The following RBFOX1 variants were observed in gnomAD, a reference collection of about 807,000 sequenced individuals.
RBFOX1 encodes the protein RNA binding fox-1 homolog 1, also known as RNA binding protein fox-1 homolog 1.
A neutral mutation model predicts 57.7 loss-of-function variants in RBFOX1; 8 were observed. That is an observed-to-expected ratio of 0.14 (90% CI 0.08 to 0.25). The LOEUF is 0.25. RBFOX1 is among the 10% of genes least tolerant of loss of function. The pLI is 1.00. For synonymous variants in RBFOX1, 326 were observed against 222.4 expected (o/e 1.47, Z -4.15); for missense variants, 611 against 548.5 (o/e 1.11, Z -1.14).
rs1012102643 is a variant in RBFOX1, at chr16:6,228,013, A to C, written c.-126-88982A>C. On this transcript the variant is annotated intron_variant, in intron 1 of 15. Transcript: ENST00000550418. Reference sequence around the variant, plus strand: ...CCTGTGTTTATTGCAGCACTATTCAAACTAGCCAGGGATATGGCCAGGCAC... The same window carrying C: ...CCTGTGTTTATTGCAGCACTATTCACACTAGCCAGGGATATGGCCAGGCAC... Among the ~76,000 whole-genome samples, 5 of 152,298 alleles carry C rather than the reference A, an allele frequency of 3.3e-5. No individual in the cohort carries two copies. In the East Asian group the frequency reaches 5.8e-4, roughly 18 times the overall value.
chr16:6,535,808 T>C (rs2096727254), intron 2 of RBFOX1, among the ~76,000 whole-genome samples: 1 of 152,234 alleles, frequency 6.6e-6, no homozygotes, highest in African/African-American at 2.4e-5. Context: ...TATTTTTATA[T>C]GTTACACAAG....
intron 4 of RBFOX1, among the ~76,000 whole-genome samples, chr16:7,165,385 C>G (rs997089238): frequency 1.1e-4 from 4 of 36,166 alleles, no homozygotes; most frequent in Non-Finnish European, 2.3e-4. Context: ...CATAACTCTT[C>G]TGTAATAATA....
intron 1 of RBFOX1, among the ~76,000 whole-genome samples, chr16:6,255,430 G>A (rs2097654598): frequency 6.6e-6 from 1 of 152,152 alleles, no homozygotes; most frequent in South Asian, 2.1e-4. Context: ...GAGAGTGGAG[G>A]AAATGCAAGT....
At chr16:6,803,407 G>A (rs761376797) in intron 3 of RBFOX1, among the ~76,000 whole-genome samples, 4 of 152,150 alleles carry the variant, frequency 2.6e-5, no homozygotes, top group Non-Finnish European at 5.9e-5. Context: ...CTTTCCCAGT[G>A]AAGGGAGAAA....
At chr16:7,232,562 C>G (rs2093560891) in intron 4 of RBFOX1, among the ~76,000 whole-genome samples, 1 of 152,026 alleles carries the variant, frequency 6.6e-6, no homozygotes, top group Non-Finnish European at 1.5e-5. Flanking sequence ...GATAACAGGC[C>G]AGGCATAAGC....
In RBFOX1 at chr16:6,450,765, G is replaced by T. The variant is rs58075419; in HGVS notation, c.-64+133708G>T. On this transcript the variant is annotated intron_variant, in intron 2 of 15. Coordinates refer to ENST00000550418, the MANE Select transcript of RBFOX1 (RefSeq NM_018723.4). ...TTTATATATATATACATATATATAT[G>T]TGTATATATATATATATATATATAC... 7.2e-4 allele frequency among the ~76,000 whole-genome samples: 14 copies of T among 19,452 alleles called. 1 individual carries two copies. Among genetic ancestry groups the T allele is most frequent in the African/African-American group, 2.9e-3 (14 of 4,898 alleles). 12.8% of individuals were successfully genotyped at this position (19,452 alleles called of 152,430 possible).
At chr16:6,874,314 C>G (rs536760439) in intron 3 of RBFOX1, among the ~76,000 whole-genome samples, 3 of 151,826 alleles carry the variant, frequency 2.0e-5, no homozygotes, top group Non-Finnish European at 2.9e-5. Context: ...GTTTTGAGAC[C>G]AGCCTGGCCA....
chr16:6,814,950 G>A (rs1473677623), intron 3 of RBFOX1, among the ~76,000 whole-genome samples: 1 of 152,172 alleles, frequency 6.6e-6, no homozygotes, highest in African/African-American at 2.4e-5. Flanking sequence ...AGGAATAAAA[G>A]AATGGCTGTT....
chr16:5,290,679 G>A (rs1338521722), intron 1 of RBFOX1, among the ~76,000 whole-genome samples: 1 of 150,296 alleles, frequency 6.7e-6, no homozygotes, highest in East Asian at 2.0e-4. Flanking sequence ...GAGGTTGATA[G>A]GCATAGAGCA....
At chr16:6,936,415 A>T (rs984680775) in intron 3 of RBFOX1, among the ~76,000 whole-genome samples, 54 of 152,210 alleles carry the variant, frequency 3.5e-4, no homozygotes, top group Admixed American at 3.9e-4. Context: ...TGAAATGTAG[A>T]TAACACCTAA....
intron 4 of RBFOX1, among the ~76,000 whole-genome samples, chr16:7,441,995 C>G (rs896235758): frequency 6.6e-6 from 1 of 152,232 alleles, no homozygotes; most frequent in Non-Finnish European, 1.5e-5. Flanking sequence ...TTCAGTAGCT[C>G]TTTGTCAGCA....
At chr16:7,547,574 A>G (rs899417933) in intron 5 of RBFOX1, among the ~76,000 whole-genome samples, 1 of 152,234 alleles carries the variant, frequency 6.6e-6, no homozygotes, top group Non-Finnish European at 1.5e-5. Flanking sequence ...CCATATTTTA[A>G]TAGTCAGTTG....
chr16:7,310,829 C>G (rs2096289708), intron 4 of RBFOX1, among the ~76,000 whole-genome samples: 1 of 152,212 alleles, frequency 6.6e-6, no homozygotes, highest in Admixed American at 6.5e-5. Context: ...GTTTATGGAA[C>G]TCCAGCTGCC....
intron 1 of RBFOX1, among the ~76,000 whole-genome samples, chr16:5,335,323 C>T (rs891349778): frequency 9.9e-5 from 15 of 152,100 alleles, no homozygotes; most frequent in East Asian, 7.7e-4. Context: ...TGAGGCTTGC[C>T]GCTGTGGGAG....
At chr16:6,460,219 C>T (rs1429194276) in intron 2 of RBFOX1, among the ~76,000 whole-genome samples, 1 of 151,934 alleles carries the variant, frequency 6.6e-6, no homozygotes, top group African/African-American at 2.4e-5. Context: ...GTTCTCTCTC[C>T]TTGGCTTGTA....
chr16:6,125,136 C>T (rs2096580117), intron 1 of RBFOX1, among the ~76,000 whole-genome samples: 1 of 152,228 alleles, frequency 6.6e-6, no homozygotes, highest in African/African-American at 2.4e-5. Context: ...TGGATGGTCT[C>T]ATACTGTAAG....
intron 5 of RBFOX1, among the ~76,000 whole-genome samples, chr16:7,566,609 A>G (rs1329257664): frequency 6.6e-6 from 1 of 152,156 alleles, no homozygotes; most frequent in African/African-American, 2.4e-5. Context: ...AGGCATGGAA[A>G]ACACCAGTGA....
chr16:7,103,889 C>T (rs1004842519), intron 4 of RBFOX1, among the ~76,000 whole-genome samples: 2 of 152,132 alleles, frequency 1.3e-5, no homozygotes, highest in African/African-American at 4.8e-5. Flanking sequence ...AACACACAAA[C>T]AGATGTTTCT....
chr16:6,193,912 C>G (rs144996541), intron 1 of RBFOX1, among the ~76,000 whole-genome samples: 6 of 152,134 alleles, frequency 3.9e-5, no homozygotes, highest in African/African-American at 1.4e-4. Flanking sequence ...GTGTTCACAC[C>G]TAAGCGAAGT....
Sources: gnomAD v4.1 joint callset for allele counts (sites outside exome capture counted in the v4.1 genomes callset) on GRCh38, gnomAD v4.1.1 for gene constraint, MANE v1.5 for transcripts, NCBI Gene and HGNC (gene_info 2026-07-23, HGNC 2026-07-21) for gene names.